The following TNFRSF21 variants were observed in gnomAD, a reference collection of about 807,000 sequenced individuals.
TNFRSF21 encodes tumor necrosis factor receptor superfamily member 21.
In TNFRSF21, 19 loss-of-function variants were observed where a neutral mutation model predicts 45.6. The observed-to-expected ratio is 0.42, with a 90% CI of 0.29 to 0.61. The LOEUF (loss-of-function observed/expected upper bound fraction) is 0.61. Ranked by LOEUF, TNFRSF21 falls within the 20% of genes least tolerant of loss-of-function variation. The probability of loss-of-function intolerance (pLI) is 0.23; values close to 1 mark genes in which losing one functional copy is unlikely to be tolerated. For synonymous variants in TNFRSF21, 314 were observed against 335.5 expected, an observed-to-expected ratio of 0.94 and a Z score of 0.70; for missense variants, 737 against 851.5, an observed-to-expected ratio of 0.87 and a Z score of 1.67.
chr6:47,279,682 ATT>A (rs1419758492), intron 3 of TNFRSF21, among the ~76,000 whole-genome samples: 1 of 152,184 alleles, frequency 6.6e-6, no homozygotes, highest in Non-Finnish European at 1.5e-5. Flanking sequence ...AAAGAAATAC[ATT>A]TTCAGAAAAC....
At chr6:47,236,021 A>G (rs910554) in intron 4 of TNFRSF21, among the ~76,000 whole-genome samples, 47,293 of 152,050 alleles carry the variant, frequency 0.31, 8,263 homozygotes, top group East Asian at 0.57. Context: ...CAGTATGACT[A>G]TGGCTTGTAC....
intron 1 of TNFRSF21, among the ~76,000 whole-genome samples, chr6:47,305,257 C>T (rs146228558): frequency 0.033 from 5,048 of 152,246 alleles, 107 homozygotes; most frequent in Admixed American, 0.062. Flanking sequence ...TCCCTGGGTT[C>T]CCACTGCCCA....
At chr6:47,292,054 A>T (rs1762736273) in intron 1 of TNFRSF21, among the ~76,000 whole-genome samples, 1 of 152,200 alleles carries the variant, frequency 6.6e-6, no homozygotes, top group Admixed American at 6.5e-5. Context: ...CACTGTAGAA[A>T]TCATTCCCAG....
intron 5 of TNFRSF21, 52 bp downstream of exon 5, chr6:47,234,618 G>C (rs1764635280): frequency 7.0e-7 from 1 of 1,429,870 alleles, no homozygotes; most frequent in Admixed American, 1.9e-5. Flanking sequence ...GAATCCCAGG[G>C]GCTCTTTGGG....
At chr6:47,282,351 T>C (rs1252932673) in intron 3 of TNFRSF21, among the ~76,000 whole-genome samples, 1 of 137,700 alleles carries the variant, frequency 7.3e-6, no homozygotes, top group East Asian at 2.2e-4. Context: ...ACCATTGCAC[T>C]CCAGCCTGAG....
At chr6:47,239,807 A>G (rs1301177641) in intron 4 of TNFRSF21, among the ~76,000 whole-genome samples, 1 of 152,054 alleles carries the variant, frequency 6.6e-6, no homozygotes, top group Non-Finnish European at 1.5e-5. Flanking sequence ...CATTCAAATT[A>G]TGTCTTATTT....
rs1764643843 is a variant in TNFRSF21, at chr6:47,234,909, G to GA, written c.1510-12dup. 1 of 1,323,378 alleles carries GA rather than the reference G, an allele frequency of 7.6e-7. No homozygotes were observed. Among genetic ancestry groups the GA allele is most frequent in the East Asian group, 3.1e-5 (1 of 32,008 alleles). The allele number at this position is 1,323,378 out of a possible 1,614,324, so 82.0% of individuals were successfully genotyped here. On this transcript the variant is annotated splice_polypyrimidine_tract_variant and intron_variant, in intron 4 of 5. Transcript: ENST00000296861. ...TTTGTCAGTTTCCAGCTGTAGGAGG[G>GA]AAAATTTTTTTTTATTATATATAGA...
chr6:47,283,411 G>T (rs2113863189), intron 3 of TNFRSF21, among the ~76,000 whole-genome samples: 1 of 152,242 alleles, frequency 6.6e-6, no homozygotes, highest in East Asian at 1.9e-4. Flanking sequence ...AAATTTAAGT[G>T]GGGAAAATAT....
intron 4 of TNFRSF21, among the ~76,000 whole-genome samples, chr6:47,243,743 T>G (rs1485485879): frequency 6.6e-6 from 1 of 152,102 alleles, no homozygotes; most frequent in East Asian, 1.9e-4. Context: ...CACCTGGCCT[T>G]TTTTCGTTTA....
intron 3 of TNFRSF21, among the ~76,000 whole-genome samples, chr6:47,278,565 C>G (rs1762528432): frequency 6.6e-6 from 1 of 152,090 alleles, no homozygotes; most frequent in East Asian, 1.9e-4. Context: ...AGCTCTGGAC[C>G]ACCCCTCCTC....
Position 47,309,797 on chromosome 6 carries a change from C to T in TNFRSF21, c.-286G>A, listed in dbSNP as rs1762992922. On this transcript the variant is annotated 5_prime_UTR_variant, in exon 1 of 6. Coordinates refer to ENST00000296861, the MANE Select transcript of TNFRSF21 (RefSeq NM_014452.5). Reference sequence around the variant, plus strand: ...TCCTCCGACAGCGGCTGAGGAGAACCAGGGAGGAGGACTGGGCGCGAGAGA... The same window carrying T: ...TCCTCCGACAGCGGCTGAGGAGAACTAGGGAGGAGGACTGGGCGCGAGAGA... 4 of 362,086 alleles carry T rather than the reference C, an allele frequency of 1.1e-5. No individual in the cohort carries two copies. Among genetic ancestry groups the T allele is most frequent in the Non-Finnish European group, 2.0e-5 (4 of 202,328 alleles). 22.4% of individuals were successfully genotyped at this position (362,086 alleles called of 1,614,324 possible). A position where few individuals can be genotyped will look rare whatever the true frequency, so the allele number is the denominator to read the frequency against.
In TNFRSF21 at chr6:47,295,578, C is replaced by G. The variant is rs371650640; in HGVS notation, c.97-8983G>C. Among the ~76,000 whole-genome samples, 19 of 152,178 alleles carry G rather than the reference C, an allele frequency of 1.2e-4. 1 individual carries two copies. The South Asian group carries it at 3.1e-3, about 25-fold the overall frequency. On this transcript the variant is annotated intron_variant, in intron 1 of 5. Coordinates refer to ENST00000296861, the MANE Select transcript of TNFRSF21 (RefSeq NM_014452.5). The stretch of plus-strand genomic sequence containing the variant: ...GATAACAGATGATCTAAAGGCAAAA[C>G]CCAGGCAGAGATGGACCTTCCAGAA...
At chr6:47,308,367 CT>C (rs1444768664) in intron 1 of TNFRSF21, among the ~76,000 whole-genome samples, 1 of 152,196 alleles carries the variant, frequency 6.6e-6, no homozygotes. Context: ...AAAACAAGCT[CT>C]TGTTTCTTGG....
At chr6:47,235,668 G>A (rs757923790) in intron 4 of TNFRSF21, among the ~76,000 whole-genome samples, 13 of 152,096 alleles carry the variant, frequency 8.5e-5, no homozygotes, top group Non-Finnish European at 1.6e-4. Context: ...CTTAACTAAG[G>A]GCCAACAAGG....
chr6:47,247,876 T>C (rs1484259366), intron 4 of TNFRSF21, among the ~76,000 whole-genome samples: 2 of 152,194 alleles, frequency 1.3e-5, no homozygotes, highest in African/African-American at 2.4e-5. Context: ...TTCTATTATA[T>C]AGAAATCAAC....
At chr6:47,289,059 A>G (rs1762685673) in intron 1 of TNFRSF21, among the ~76,000 whole-genome samples, 1 of 152,266 alleles carries the variant, frequency 6.6e-6, no homozygotes, top group African/African-American at 2.4e-5. Context: ...GAGAATAAGA[A>G]TATTAAGAGA....
At chr6:47,253,035 A>T (rs1336426694) in intron 4 of TNFRSF21, among the ~76,000 whole-genome samples, 5 of 151,078 alleles carry the variant, frequency 3.3e-5, no homozygotes, top group African/African-American at 9.7e-5. Context: ...GAGCATCAGT[A>T]TTTTTTTTTA....
intron 4 of TNFRSF21, among the ~76,000 whole-genome samples, chr6:47,235,572 G>A (rs1411104253): frequency 1.3e-5 from 2 of 152,114 alleles, no homozygotes; most frequent in Non-Finnish European, 2.9e-5. Context: ...TGCAGTCTGC[G>A]GTCCTTTGTT....
At chr6:47,286,908 T>A (rs1300483979) in intron 1 of TNFRSF21, among the ~76,000 whole-genome samples, 17 of 152,098 alleles carry the variant, frequency 1.1e-4, no homozygotes, top group Admixed American at 3.9e-4. Context: ...TAAAAATCAG[T>A]TGAGAATATG....
Sources: allele counts gnomAD v4.1 joint callset (sites outside exome capture counted in the v4.1 genomes callset), GRCh38; gene constraint gnomAD v4.1.1; transcripts MANE v1.5; gene names NCBI Gene and HGNC (gene_info 2026-07-23, HGNC 2026-07-21).